Variants in KCNH3 observed in about 807,000 individuals in gnomAD.
The protein encoded by KCNH3 is voltage-gated inwardly rectifying potassium channel KCNH3.
KCNH3 carries 36 observed loss-of-function variants against 95.6 expected under a neutral mutation model. The observed-to-expected ratio is 0.38, with a 90% CI of 0.29 to 0.50. The LOEUF (loss-of-function observed/expected upper bound fraction) is 0.50, where lower values mean the gene tolerates loss of function less well. Ranked by LOEUF, KCNH3 falls within the 20% of genes least tolerant of loss-of-function variation. KCNH3 has a pLI of 0.95. For missense variants in KCNH3, 1,030 were observed against 1,484.1 expected, an observed-to-expected ratio of 0.69 and a Z score of 5.03; for synonymous variants, 620 against 646.3, an observed-to-expected ratio of 0.96 and a Z score of 0.62.
chr12:49,557,723 C>G lies in KCNH3; in HGVS notation c.3022C>G (p.Leu1008Val). ...CTCAGAGCCCCCTGCCTCAGGAGAC[C>G]TCTGCTCTGAGCCCAGCACCCCTGC... ...SDSEPPASGD[L>V]CSEPSTPASP... Residue 1008 changes from leucine (L) to valine (V), a missense_variant, in exon 15 of 15, where the codon CTC becomes GTC. Coordinates refer to ENST00000257981, the MANE Select transcript of KCNH3 (RefSeq NM_012284.3). 3 of 1,613,818 alleles carry G rather than the reference C, an allele frequency of 1.9e-6. No individual in the cohort carries two copies. The highest frequency in any genetic ancestry group is 2.5e-6 in the Non-Finnish European group (3 of 1,179,984).
chr12:49,556,562 A>G (rs1592513390), intron 13 of KCNH3, 86 bp downstream of exon 13: 21 of 969,630 alleles, frequency 2.2e-5, no homozygotes, highest in Non-Finnish European at 3.0e-5. Context: ...TGAGCCTTCA[A>G]TGTTAGAGAA....
chr12:49,540,475 C>T (rs1334193373), intron 1 of KCNH3, among the ~76,000 whole-genome samples: 4 of 152,184 alleles, frequency 2.6e-5, no homozygotes, highest in Admixed American at 1.3e-4. Flanking sequence ...CTAGGTGTGT[C>T]TCAGTGGGAG....
rs776264448 is a variant in KCNH3, at chr12:49,549,009, C to T, written c.1304C>T (p.Ala435Val). The T allele has an allele frequency of 6.2e-7, 1 of 1,611,562 alleles. No homozygotes were observed. Among genetic ancestry groups the T allele is most frequent in the Non-Finnish European group, 8.5e-7 (1 of 1,179,414 alleles). The change falls in exon 8 of 15, where the codon GCC (alanine) becomes GTC (valine). Residue 435 changes from alanine to valine, a missense_variant. Coordinates refer to ENST00000257981, the MANE Select transcript of KCNH3 (RefSeq NM_012284.3). ...GACAACTGCAGCAGCAGCAGCGAGGCCAACGGGACGGGGCTGGAGCTGCTG... is the reference window on the plus strand; with the variant it reads ...GACAACTGCAGCAGCAGCAGCGAGGTCAACGGGACGGGGCTGGAGCTGCTG... ...QSDNCSSSSEANGTGLELLGG... is the reference protein window; with the variant it reads ...QSDNCSSSSEVNGTGLELLGG...
chr12:49,540,764 A>G (rs1937843758), intron 1 of KCNH3, 135 bp from the exon 2 acceptor site: 1 of 650,818 alleles, frequency 1.5e-6, no homozygotes. Context: ...ATTCATAAAC[A>G]GCCCTGCCTT....
intron 7 of KCNH3, among the ~76,000 whole-genome samples, chr12:49,548,133 T>TGTGTGTGC (rs1380200472): frequency 7.1e-4 from 104 of 146,420 alleles, no homozygotes; most frequent in Non-Finnish European, 1.2e-3. Context: ...TGTGTGTGTG[T>TGTGTGTGC]GCGCGCGCAC....
Position 49,542,706 on chromosome 12 carries a change from G to T in KCNH3, c.446G>T (p.Gly149Val), listed in dbSNP as rs747148872. ...TTCATGGGCCCCTCTTCTTTCGCAG[G>T]TGGTGGCCGGCGCCGATATGGCCGG... ...RGGPDRWKET[G>V]GGRRRYGRAR... The change falls in exon 4 of 15, where the codon GGT (glycine) becomes GTT (valine). Residue 149 changes from glycine (G) to valine (V), a missense_variant and splice_region_variant. Around this residue, in one of 9 missense-constraint regions of KCNH3, gnomAD observed 92 missense variants for 92.7 expected, o/e 0.99. Transcript: ENST00000257981. 3 of 1,572,924 alleles carry T rather than the reference G, an allele frequency of 1.9e-6. No individual in the cohort carries two copies. Among genetic ancestry groups the T allele is most frequent in the Non-Finnish European group, 2.6e-6 (3 of 1,159,746 alleles).
Position 49,542,847 on chromosome 12 carries a change from C to T in KCNH3, c.579+8C>T. 3.1e-6 allele frequency: 5 copies of T among 1,605,968 alleles called. No homozygotes were observed. The highest frequency in any genetic ancestry group is 1.1e-5 in the South Asian group (1 of 88,884). ...AAGCACAAGCTCAATAAGGTGGGCT[C>T]AGCCCTGGGATGTGTGGGAGAGGGG... On this transcript the variant is annotated splice_region_variant and intron_variant, in intron 4 of 14. Transcript: ENST00000257981.
At chr12:49,556,091 A>G in intron 12 of KCNH3, 140 bp downstream of exon 12, 1 of 599,962 alleles carries the variant, frequency 1.7e-6, no homozygotes, top group South Asian at 2.0e-5. Flanking sequence ...TCCTCCAGGA[A>G]GCCTTCTGTG....
chr12:49,551,817 T>C (rs1014938170), intron 10 of KCNH3, among the ~76,000 whole-genome samples: 1 of 152,150 alleles, frequency 6.6e-6, no homozygotes, highest in Non-Finnish European at 1.5e-5. Flanking sequence ...AGGTTTCTCA[T>C]TCATCTGGCA....
intron 13 of KCNH3, 145 bp downstream of exon 13, chr12:49,556,621 G>A (rs776295750): frequency 9.7e-6 from 7 of 721,792 alleles, no homozygotes; most frequent in African/African-American, 3.5e-5. Flanking sequence ...CCTTGGTGTC[G>A]TGCGGGCAGG....
At chr12:49,541,582 A>G in intron 2 of KCNH3, 48 bp from the exon 3 acceptor site, 1 of 1,605,412 alleles carries the variant, frequency 6.2e-7, no homozygotes, top group Non-Finnish European at 8.5e-7. Flanking sequence ...CTGTCACCTC[A>G]GGCAGTGCTG....
At chr12:49,543,642 G>C in intron 5 of KCNH3, 124 bp downstream of exon 5, 1 of 1,349,346 alleles carries the variant, frequency 7.4e-7, no homozygotes, top group East Asian at 2.4e-5. Flanking sequence ...TGTAACCTGT[G>C]AGCTTTGAAA....
chr12:49,539,975 TCATA>T lies in KCNH3; in HGVS notation c.76+484_76+487del, dbSNP rs1937816406. Among the ~76,000 whole-genome samples, 1 of 152,156 alleles carries T rather than the reference TCATA, an allele frequency of 6.6e-6. No individual in the cohort carries two copies. The highest frequency in any genetic ancestry group is 1.5e-5 in the Non-Finnish European group (1 of 68,012). ...GCACCGTGTGTCCAAGCCCCGTGTC[TCATA>T]GCCTGAACCCCCTAGACTTGGGGAG... On this transcript the variant is annotated intron_variant, in intron 1 of 14. Coordinates refer to ENST00000257981, the MANE Select transcript of KCNH3 (RefSeq NM_012284.3). The surrounding 1 kb of genome is among the most constrained non-coding windows in gnomAD (Gnocchi z 6.7).
chr12:49,549,419 C>G, intron 8 of KCNH3, 22 bp from the exon 9 acceptor site: 1 of 1,610,922 alleles, frequency 6.2e-7, no homozygotes, highest in Non-Finnish European at 8.5e-7. Flanking sequence ...CTAGGTGACC[C>G]CCTCTCGTCA....
chr12:49,550,044 CCCA>C, intron 9 of KCNH3, 33 bp from the exon 10 acceptor site: 1 of 655,784 alleles, frequency 1.5e-6, no homozygotes, highest in Non-Finnish European at 2.6e-6. Context: ...TTCTGCCACT[CCCA>C]ACCCCCCCAC....
intron 9 of KCNH3, 35 bp from the exon 10 acceptor site, chr12:49,550,045 C>A: frequency 1.5e-5 from 15 of 984,216 alleles, no homozygotes; most frequent in East Asian, 5.8e-5. Flanking sequence ...TCTGCCACTC[C>A]CAACCCCCCC....
chr12:49,546,259 A>G (rs1938057612), intron 7 of KCNH3: 1 of 152,198 alleles, frequency 6.6e-6, no homozygotes, highest in South Asian at 2.1e-4. Context: ...TTGACCCCTG[A>G]GTTCCAGGGT....
chr12:49,550,101 G>T lies in KCNH3; in HGVS notation c.1690G>T (p.Glu564Ter). 7.2e-7 allele frequency: 1 copy of T among 1,384,674 alleles called. No homozygotes were observed. The highest frequency in any genetic ancestry group is 9.7e-7 in the Non-Finnish European group (1 of 1,035,894). 85.8% of individuals were successfully genotyped at this position (1,384,674 alleles called of 1,614,324 possible). ...TTELLQSLPDELRADIAMHLH... is the reference protein window; with the variant it reads ...TTELLQSLPD ...GCAGCTGCTGCAGAGCCTCCCTGAC[G>T]AGCTGCGCGCAGACATCGCCATGCA... is the stretch of plus-strand genomic sequence containing the variant. The change falls in exon 10 of 15, where the codon GAG becomes TAG. Residue 564 changes from glutamate (E) to a stop codon, truncating the protein, a stop_gained. Coordinates refer to ENST00000257981, the MANE Select transcript of KCNH3 (RefSeq NM_012284.3). LOFTEE classifies it high-confidence loss of function.
intron 10 of KCNH3, 53 bp from the exon 11 acceptor site, chr12:49,554,284 C>T: frequency 6.9e-7 from 1 of 1,448,920 alleles, no homozygotes; most frequent in Admixed American, 1.7e-5. Flanking sequence ...CCCCTCTTCT[C>T]TCCTCATGGC....
Sources: allele counts gnomAD v4.1 joint callset (sites outside exome capture counted in the v4.1 genomes callset), GRCh38; gene constraint gnomAD v4.1.1; regional missense constraint gnomAD v4.1.1; non-coding constraint Gnocchi (gnomAD v3.1); transcripts MANE v1.5; gene names NCBI Gene and HGNC (gene_info 2026-07-23, HGNC 2026-07-21).